DIAPH2: variants seen among roughly 807,000 people sequenced by gnomAD.
DIAPH2 encodes protein diaphanous homolog 2.
In DIAPH2, 35 loss-of-function variants were observed where a neutral mutation model predicts 92.7. The observed-to-expected ratio is 0.38, with a 90% CI of 0.29 to 0.50. The LOEUF (loss-of-function observed/expected upper bound fraction) is 0.50, where lower values mean the gene tolerates loss of function less well. Ranked by LOEUF, DIAPH2 falls within the 20% of genes least tolerant of loss-of-function variation. The probability of loss-of-function intolerance (pLI) is 0.94; values close to 1 mark genes in which losing one functional copy is unlikely to be tolerated. For synonymous variants in DIAPH2, 301 were observed against 280.4 expected (o/e 1.07, Z -0.73); for missense variants, 701 against 819.5 (o/e 0.86, Z 1.77).
chrX:96,692,108 A>G (rs1211489947), intron 1 of DIAPH2, among the ~76,000 whole-genome samples: 1 of 111,422 alleles, frequency 9.0e-6, no homozygotes, highest in Non-Finnish European at 1.9e-5. Flanking sequence ...GAGCCAGTTA[A>G]TGAGACTTTT....
rs1260752859 is a variant in DIAPH2 at position 97,230,223 on chromosome X, C to T, written c.2720-17492C>T. Among the ~76,000 whole-genome samples, 5 of 111,718 alleles carry T rather than the reference C, an allele frequency of 4.5e-5. No homozygotes were observed. The East Asian group carries it at 1.4e-3, about 31-fold the overall frequency. On this transcript the variant is annotated intron_variant, in intron 22 of 26. Transcript: ENST00000324765. Reference sequence around the variant, plus strand: ...TGATAAGAAATCTTCACAGATATTACAATAAATGTATTCAGAATTCTTATA... The same window carrying T: ...TGATAAGAAATCTTCACAGATATTATAATAAATGTATTCAGAATTCTTATA...
chrX:97,550,251 C>T (rs2071210495), intron 26 of DIAPH2, among the ~76,000 whole-genome samples: 1 of 111,680 alleles, frequency 9.0e-6, no homozygotes, highest in South Asian at 3.8e-4. Flanking sequence ...CCCAGCTACT[C>T]CGGAGGCGGA....
At chrX:97,198,166 C>T (rs1236506961) in intron 22 of DIAPH2, among the ~76,000 whole-genome samples, 5 of 108,801 alleles carry the variant, frequency 4.6e-5, no homozygotes, top group South Asian at 4.0e-4. Context: ...ACTCATTAGA[C>T]GACTCTAGAG....
chrX:96,782,949 G>C (rs2064429749), intron 4 of DIAPH2, among the ~76,000 whole-genome samples: 1 of 111,689 alleles, frequency 9.0e-6, no homozygotes, highest in African/African-American at 3.3e-5. Context: ...CTTTATAAAT[G>C]GAGCATTTGC....
intron 24 of DIAPH2, among the ~76,000 whole-genome samples, chrX:97,356,545 C>A (rs934059923): frequency 2.7e-5 from 3 of 111,880 alleles, no homozygotes; most frequent in Admixed American, 9.6e-5. Flanking sequence ...ATACCTCATT[C>A]CCCAGCTGTG....
chrX:97,003,051 C>T (rs1162179461), intron 17 of DIAPH2, among the ~76,000 whole-genome samples: 2 of 111,213 alleles, frequency 1.8e-5, no homozygotes, highest in African/African-American at 6.5e-5. Context: ...TGAAGTTTCT[C>T]TTTCTGTGCC....
chrX:96,962,096 C>A (rs187483392), intron 16 of DIAPH2, among the ~76,000 whole-genome samples: 5 of 106,106 alleles, frequency 4.7e-5, no homozygotes, highest in Non-Finnish European at 9.7e-5. Flanking sequence ...CCTAGATGAT[C>A]TGTCTAATGC....
chrX:97,452,627 T>C (rs1490534638), intron 26 of DIAPH2, among the ~76,000 whole-genome samples: 1 of 112,123 alleles, frequency 8.9e-6, no homozygotes, highest in African/African-American at 3.2e-5. Flanking sequence ...GATACACTTA[T>C]AGAATTACAA....
chrX:96,754,923 C>CAAAAAAAAAAAA (rs1007573600), intron 3 of DIAPH2, among the ~76,000 whole-genome samples: 9 of 16,002 alleles, frequency 5.6e-4, no homozygotes, highest in Non-Finnish European at 6.4e-4. Flanking sequence ...GTCTCCACCT[C>CAAAAAAAAAAAA]AAAAAAAAAA....
chrX:97,227,268 C>T (rs978788363), intron 22 of DIAPH2, among the ~76,000 whole-genome samples: 3 of 110,104 alleles, frequency 2.7e-5, no homozygotes, highest in Non-Finnish European at 5.7e-5. Flanking sequence ...AGCAAGACTT[C>T]GTCTAAAAAA....
intron 25 of DIAPH2, among the ~76,000 whole-genome samples, chrX:97,393,130 AT>A (rs1167622771): frequency 9.0e-6 from 1 of 111,165 alleles, no homozygotes; most frequent in Admixed American, 9.7e-5. Context: ...TACAAGGAGG[AT>A]GTAGCTGGAA....
chrX:96,897,627 A>G (rs2065354349), intron 5 of DIAPH2, among the ~76,000 whole-genome samples: 1 of 110,973 alleles, frequency 9.0e-6, no homozygotes, highest in Non-Finnish European at 1.9e-5. Context: ...ATTATGTAAA[A>G]CTGACTGTAA....
chrX:96,828,877 GA>G (rs923440368), intron 4 of DIAPH2, among the ~76,000 whole-genome samples: 6 of 110,877 alleles, frequency 5.4e-5, no homozygotes, highest in Non-Finnish European at 1.1e-4. Flanking sequence ...TTTTTGTTTG[GA>G]ATATAAATGG....
At position 96,988,728 on chromosome X, in the gene DIAPH2, A is replaced by C. The variant is rs143810495; in HGVS notation, c.2050+23521A>C. Among the ~76,000 whole-genome samples, 53 of 111,246 alleles carry C rather than the reference A, an allele frequency of 4.8e-4. 1 individual carries two copies. The East Asian group carries it at 0.012, about 25-fold the overall frequency. On this transcript the variant is annotated intron_variant, in intron 17 of 26. Transcript: ENST00000324765. ...ATTAACCTTTGCTTCAACTCTAGGG[A>C]TTTGTGCTTTGTTTGATTGGACTGT...
At chrX:96,983,282 G>A (rs937783076) in intron 17 of DIAPH2, among the ~76,000 whole-genome samples, 1 of 110,990 alleles carries the variant, frequency 9.0e-6, no homozygotes, top group Non-Finnish European at 1.9e-5. Context: ...ATGACAAGGG[G>A]CTGGGATAGA....
chrX:97,098,502 A>T (rs897762228), intron 19 of DIAPH2, among the ~76,000 whole-genome samples: 3 of 112,744 alleles, frequency 2.7e-5, no homozygotes, highest in Admixed American at 9.4e-5. Context: ...ATATTTACAC[A>T]TATTGTTATC....
chrX:97,180,755 A>G (rs1475155843), intron 22 of DIAPH2, among the ~76,000 whole-genome samples: 2 of 111,801 alleles, frequency 1.8e-5, no homozygotes, highest in Non-Finnish European at 3.8e-5. Flanking sequence ...CATTTATTAA[A>G]TAGGGAATCA....
intron 26 of DIAPH2, among the ~76,000 whole-genome samples, chrX:97,478,748 T>C (rs1210901097): frequency 8.9e-6 from 1 of 112,013 alleles, no homozygotes; most frequent in Non-Finnish European, 1.9e-5. Context: ...GCTCAGTTAA[T>C]GATGATTCAA....
At chrX:96,824,692 G>T (rs2064801641) in intron 4 of DIAPH2, among the ~76,000 whole-genome samples, 1 of 111,198 alleles carries the variant, frequency 9.0e-6, no homozygotes, top group African/African-American at 3.3e-5. Flanking sequence ...CATTTGATTT[G>T]CATATGTAAA....
Sources: allele counts gnomAD v4.1 joint callset (sites outside exome capture counted in the v4.1 genomes callset), GRCh38; gene constraint gnomAD v4.1.1; transcripts MANE v1.5; gene names NCBI Gene and HGNC (gene_info 2026-07-23, HGNC 2026-07-21).